Variants in SEC31B observed in about 807,000 individuals in gnomAD.
SEC31B encodes the protein protein transport protein Sec31B.
In SEC31B, 113 loss-of-function variants were observed where a neutral mutation model predicts 135.0. The observed-to-expected ratio is 0.84, with a 90% CI of 0.72 to 0.98. SEC31B has a LOEUF of 0.98. Among genes scored for constraint, SEC31B ranks in the 50% least tolerant of loss-of-function variants. The pLI, the probability that SEC31B is intolerant of heterozygous loss-of-function variation, is 0.00. For missense variants in SEC31B, 1,296 were observed against 1,421.1 expected (o/e 0.91, Z 1.42); for synonymous variants, 508 against 549.4 (o/e 0.92, Z 1.05).
At chr10:100,517,727 CTTTTT>C (rs1292533905) in intron 1 of SEC31B, among the ~76,000 whole-genome samples, 1 of 152,060 alleles carries the variant, frequency 6.6e-6, no homozygotes, top group Admixed American at 6.6e-5. Context: ...CTTTTATGGT[CTTTTT>C]TTATTTGTTT....
Position 100,490,132 on chromosome 10 carries a change from G to T in SEC31B, c.2841C>A (p.Pro947=), listed in dbSNP as rs75790220. Reference sequence around the variant, plus strand: ...CTGGGGTGTGGGAGACCATGCGGCCGGGACCTAGTGGTCTCAGAGGAAGCA... The same window carrying T: ...CTGGGGTGTGGGAGACCATGCGGCCTGGACCTAGTGGTCTCAGAGGAAGCA... ...FPLLPLRPLG[P]GRMVSHTPAP... Residue 947 remains proline (P), a synonymous_variant, in exon 21 of 26, where the codon CCC becomes CCA. Coordinates refer to ENST00000370345, the MANE Select transcript of SEC31B (RefSeq NM_015490.4). 6.3e-7 allele frequency: 1 copy of T among 1,593,144 alleles called. No individual in the cohort carries two copies. Among genetic ancestry groups the T allele is most frequent in the African/African-American group, 1.3e-5 (1 of 74,434 alleles).
intron 3 of SEC31B, among the ~76,000 whole-genome samples, chr10:100,515,880 T>G (rs537019793): frequency 3.3e-5 from 5 of 152,030 alleles, no homozygotes; most frequent in Non-Finnish European, 7.4e-5. Context: ...ATCACATGCA[T>G]TCAGCCTGAC....
chr10:100,508,832 C>T, intron 5 of SEC31B, 175 bp downstream of exon 5: 2 of 614,144 alleles, frequency 3.3e-6, no homozygotes, highest in Non-Finnish European at 5.8e-6. Flanking sequence ...CACCCTCCAC[C>T]CACCAGCCAT....
At chr10:100,506,737 T>A (rs1400564449) in intron 7 of SEC31B, among the ~76,000 whole-genome samples, 1 of 152,176 alleles carries the variant, frequency 6.6e-6, no homozygotes, top group Non-Finnish European at 1.5e-5. Flanking sequence ...TGAATCAGTA[T>A]GAATCACACA....
chr10:100,495,180 G>C (rs1851381974), intron 19 of SEC31B: 1 of 577,070 alleles, frequency 1.7e-6, no homozygotes, highest in Non-Finnish European at 3.1e-6. Flanking sequence ...AGCTACTTGA[G>C]GGCAAGTATC....
chr10:100,519,728 G>C (rs1055599772), intron 1 of SEC31B, 54 bp downstream of exon 1: 1 of 152,384 alleles, frequency 6.6e-6, no homozygotes, highest in South Asian at 2.1e-4. Context: ...AGTGCTCCGG[G>C]TCCCCAGCGC....
At chr10:100,498,606 C>A in intron 14 of SEC31B, 99 bp downstream of exon 14, 1 of 810,910 alleles carries the variant, frequency 1.2e-6, no homozygotes. Flanking sequence ...GGGAGGAAGG[C>A]ACGAGGCAGG....
chr10:100,512,648 T>C (rs1851756540), intron 3 of SEC31B, among the ~76,000 whole-genome samples: 1 of 152,186 alleles, frequency 6.6e-6, no homozygotes, highest in East Asian at 1.9e-4. Flanking sequence ...CCAAATTTGG[T>C]TGAGGCATGG....
chr10:100,505,036 TAGTTCC>T (rs1851598704), intron 10 of SEC31B, among the ~76,000 whole-genome samples: 1 of 152,042 alleles, frequency 6.6e-6, no homozygotes, highest in African/African-American at 2.4e-5. Flanking sequence ...GCCTTCTTTG[TAGTTCC>T]TTACTACCAG....
At chr10:100,489,796 T>C (rs1405588299) in intron 21 of SEC31B, 35 bp from the exon 22 acceptor site, 2 of 1,613,194 alleles carry the variant, frequency 1.2e-6, no homozygotes, top group Admixed American at 1.7e-5. Flanking sequence ...TTTCGGCGCA[T>C]AGTGAAAAAC....
Position 100,497,217 on chromosome 10 carries a change from C to CA in SEC31B, c.2053dup (p.Cys685LeufsTer38), listed in dbSNP as rs1564649786. 1.2e-6 allele frequency: 2 copies of CA among 1,614,252 alleles called. No homozygotes were observed. Among genetic ancestry groups the CA allele is most frequent in the Non-Finnish European group, 1.7e-6 (2 of 1,180,052 alleles). On this transcript the variant is annotated frameshift_variant, in exon 17 of 26. Coordinates refer to ENST00000370345, the MANE Select transcript of SEC31B (RefSeq NM_015490.4). LOFTEE classifies it high-confidence loss of function. Reference sequence around the variant, plus strand: ...CTCCACACTCCCTGAGCACACATAACAGAGTCTGGCTTCGGAGGTTAGTGC... The same window carrying CA: ...CTCCACACTCCCTGAGCACACATAACAAGAGTCTGGCTTCGGAGGTTAGTGC...
In SEC31B at chr10:100,512,033, C is replaced by T. The variant is rs146734997; in HGVS notation, c.204-2522G>A. The stretch of plus-strand genomic sequence containing the variant: ...TAACCCATGCTCTATTATCTTAATG[C>T]CTCTAGAAAGAAGGCAAGTCTTGAG... On this transcript the variant is annotated intron_variant, in intron 3 of 25. Transcript: ENST00000370345. Among the ~76,000 whole-genome samples the T allele has an allele frequency of 7.2e-5, 11 of 152,306 alleles. No homozygotes were observed. In the South Asian group the frequency reaches 1.2e-3, roughly 17 times the overall value.
At chr10:100,510,788 G>T (rs1471040864) in intron 3 of SEC31B, among the ~76,000 whole-genome samples, 2 of 152,244 alleles carry the variant, frequency 1.3e-5, no homozygotes, top group Admixed American at 6.5e-5. Flanking sequence ...AAACAGCAGA[G>T]CCAACACAAT....
At chr10:100,488,181 C>A in intron 24 of SEC31B, 83 bp from the exon 25 acceptor site, 2 of 1,300,232 alleles carry the variant, frequency 1.5e-6, no homozygotes, top group South Asian at 1.2e-5. Flanking sequence ...CATATTAGGC[C>A]GGGCATGGTG....
chr10:100,506,595 C>A, intron 7 of SEC31B, 175 bp from the exon 8 acceptor site: 1 of 631,998 alleles, frequency 1.6e-6, no homozygotes. Context: ...AATTAAGTAA[C>A]TTTCCAACAG....
intron 13 of SEC31B, 101 bp from the exon 14 acceptor site, chr10:100,498,905 G>A (rs1851465099): frequency 1.1e-6 from 1 of 913,250 alleles, no homozygotes; most frequent in Admixed American, 2.2e-5. Flanking sequence ...GCCGTTAATG[G>A]GTAAAACTAA....
At position 100,487,398 on chromosome 10, in the gene SEC31B, G is replaced by A. The variant is rs1262848621; in HGVS notation, c.*218C>T. The A allele has an allele frequency of 8.8e-6, 5 of 570,428 alleles. No homozygotes were observed. The highest frequency in any genetic ancestry group is 1.6e-5 in the Non-Finnish European group (5 of 320,292). The allele number at this position is 570,428 out of a possible 1,614,324, so 35.3% of individuals were successfully genotyped here. ...GAACTGATTCTATGCCCTGCCTCCAGGCCTGAGAGTGTCTTGGACAGATCC... is the reference window on the plus strand; with the variant it reads ...GAACTGATTCTATGCCCTGCCTCCAAGCCTGAGAGTGTCTTGGACAGATCC... On this transcript the variant is annotated 3_prime_UTR_variant, in exon 26 of 26. Transcript: ENST00000370345.
chr10:100,508,384 C>T (rs1388734281), intron 5 of SEC31B: 1 of 510,186 alleles, frequency 2.0e-6, no homozygotes, highest in Admixed American at 2.3e-5. Context: ...GGGAGGAAAA[C>T]AGATACCCAA....
At position 100,509,333 on chromosome 10, in the gene SEC31B, C is replaced by T. The variant is rs777099064; in HGVS notation, c.382G>A (p.Asp128Asn). 8 of 1,613,482 alleles carry T rather than the reference C, an allele frequency of 5.0e-6. No homozygotes were observed. The highest frequency in any genetic ancestry group is 4.5e-5 in the East Asian group (2 of 44,900). Reference sequence around the variant, plus strand: ...TGTAGTACCTGGAAAGGATTCAAGTCGAGGGCTCTGACAGCCCCCGTGTGC... The same window carrying T: ...TGTAGTACCTGGAAAGGATTCAAGTTGAGGGCTCTGACAGCCCCCGTGTGC... ...QKHTGAVRAL[D>N]LNPFQGNLLA... Residue 128 changes from aspartate to asparagine, a missense_variant, in exon 4 of 26, where the codon GAC (aspartate) becomes AAC (asparagine). Asp to Asn is a conservative substitution (Grantham distance 23). Coordinates refer to ENST00000370345, the MANE Select transcript of SEC31B (RefSeq NM_015490.4).
Sources: allele counts gnomAD v4.1 joint callset (sites outside exome capture counted in the v4.1 genomes callset), GRCh38; gene constraint gnomAD v4.1.1; transcripts MANE v1.5; gene names NCBI Gene and HGNC (gene_info 2026-07-23, HGNC 2026-07-21).